The following ARIH2 variants were observed in gnomAD, a reference collection of about 807,000 sequenced individuals.
ARIH2 encodes the protein E3 ubiquitin-protein ligase ARIH2.
ARIH2 carries 12 observed loss-of-function variants against 79.8 expected under a neutral mutation model. The ratio of observed to expected loss-of-function variants is 0.15; its 90% CI spans 0.10 to 0.24. The LOEUF (loss-of-function observed/expected upper bound fraction) is 0.24, where lower values mean the gene tolerates loss of function less well. Ranked by LOEUF, ARIH2 falls within the 10% of genes least tolerant of loss-of-function variation. The probability of loss-of-function intolerance (pLI) is 1.00; values close to 1 mark genes in which losing one functional copy is unlikely to be tolerated. For missense variants in ARIH2, 301 were observed against 618.3 expected (o/e 0.49, Z 5.44); for synonymous variants, 224 against 213.9 (o/e 1.05, Z -0.41).
chr3:48,929,505 C>T (rs1417229597), intron 3 of ARIH2, among the ~76,000 whole-genome samples: 2 of 152,194 alleles, frequency 1.3e-5, no homozygotes, highest in Admixed American at 1.3e-4. Flanking sequence ...CTCATGCTTT[C>T]TCTGAGTGAG....
intron 3 of ARIH2, among the ~76,000 whole-genome samples, chr3:48,947,211 C>CG (rs1248710526): frequency 6.6e-6 from 1 of 152,090 alleles, no homozygotes; most frequent in Non-Finnish European, 1.5e-5. Flanking sequence ...GAGGCCGAGG[C>CG]GGGGGGATCA....
At chr3:48,930,481 T>C (rs1396043492) in intron 3 of ARIH2, among the ~76,000 whole-genome samples, 1 of 152,000 alleles carries the variant, frequency 6.6e-6, no homozygotes, top group Non-Finnish European at 1.5e-5. Context: ...AGACCTTATC[T>C]CAAAACAACA....
intron 3 of ARIH2, among the ~76,000 whole-genome samples, chr3:48,950,520 T>G (rs1350193051): frequency 6.6e-6 from 1 of 152,216 alleles, no homozygotes; most frequent in African/African-American, 2.4e-5. Context: ...TCTGGATCCT[T>G]TACATTTCTA....
intron 3 of ARIH2, among the ~76,000 whole-genome samples, chr3:48,936,995 T>C (rs1469748941): frequency 6.6e-6 from 1 of 151,814 alleles, no homozygotes; most frequent in Non-Finnish European, 1.5e-5. Flanking sequence ...ACCACTGCAC[T>C]CCAGCCTGGG....
intron 3 of ARIH2, among the ~76,000 whole-genome samples, chr3:48,953,273 C>A (rs991143616): frequency 1.3e-5 from 2 of 152,070 alleles, no homozygotes; most frequent in Admixed American, 1.3e-4. Flanking sequence ...AAATCAACAT[C>A]TTATCAAATT....
chr3:48,919,190 T>G, intron 1 of ARIH2, 192 bp downstream of exon 1: 1 of 1,292,174 alleles, frequency 7.7e-7, no homozygotes, highest in Non-Finnish European at 9.8e-7. Flanking sequence ...TGTGTCTGCC[T>G]TTTTTCCTCC....
intron 3 of ARIH2, among the ~76,000 whole-genome samples, chr3:48,945,919 C>T (rs1412565806): frequency 2.0e-5 from 3 of 152,108 alleles, no homozygotes; most frequent in Non-Finnish European, 2.9e-5. Flanking sequence ...GATCCTGAAC[C>T]CTGCAGCCGT....
intron 8 of ARIH2, among the ~76,000 whole-genome samples, chr3:48,972,034 T>C (rs938798203): frequency 6.6e-6 from 1 of 152,222 alleles, no homozygotes; most frequent in African/African-American, 2.4e-5. Flanking sequence ...TTGCACGTTC[T>C]GGCATTTGTG....
At chr3:48,934,103 C>T (rs937978821) in intron 3 of ARIH2, among the ~76,000 whole-genome samples, 2 of 152,060 alleles carry the variant, frequency 1.3e-5, no homozygotes, top group African/African-American at 2.4e-5. Context: ...AATTTTTCCC[C>T]TCTGTAGATG....
intron 8 of ARIH2, 174 bp downstream of exon 8, chr3:48,970,878 C>T: frequency 1.8e-6 from 1 of 547,048 alleles, no homozygotes. Flanking sequence ...TCCACTAGGT[C>T]TTCAATACAT....
intron 3 of ARIH2, among the ~76,000 whole-genome samples, chr3:48,930,592 A>G (rs2086237536): frequency 6.6e-6 from 1 of 152,110 alleles, no homozygotes; most frequent in Non-Finnish European, 1.5e-5. Flanking sequence ...AAATTCCTCT[A>G]CAAGCATGAG....
chr3:48,980,469 A>G lies in ARIH2; in HGVS notation c.1230A>G (p.Leu410=). The G allele has an allele frequency of 1.9e-6, 3 of 1,614,088 alleles. No individual in the cohort carries two copies. The highest frequency in any genetic ancestry group is 2.5e-6 in the Non-Finnish European group (3 of 1,179,988). Residue 410 remains leucine, a synonymous_variant, in exon 13 of 16, where the codon CTA becomes CTG. Coordinates refer to ENST00000356401, the MANE Select transcript of ARIH2 (RefSeq NM_006321.4). Reference sequence around the variant, plus strand: ...GGACATGGATCGACTGGCAGTACCTACAGAATGCTGCCAAGCTCTTGGCCA... The same window carrying G: ...GGACATGGATCGACTGGCAGTACCTGCAGAATGCTGCCAAGCTCTTGGCCA... ...NLGTWIDWQY[L]QNAAKLLAKC...
At chr3:48,960,458 A>G (rs1318883012) in intron 3 of ARIH2, among the ~76,000 whole-genome samples, 1 of 147,902 alleles carries the variant, frequency 6.8e-6, no homozygotes, top group Admixed American at 6.8e-5. Flanking sequence ...TCATTATTTA[A>G]AAAAAAAAAA....
At position 48,940,808 on chromosome 3, in the gene ARIH2, A is replaced by AAAAATAT. The variant is rs759369585; in HGVS notation, c.255+12996_255+12997insAAATATA. ...AGACTCCGTCTCAAAAAAAAAAAAA[A>AAAAATAT]ATATATATATATATATATATAGCCA... On this transcript the variant is annotated intron_variant, in intron 3 of 15. Transcript: ENST00000356401. Among the ~76,000 whole-genome samples, 606 of 98,008 alleles carry AAAAATAT rather than the reference A, an allele frequency of 6.2e-3. 6 individuals carry two copies. Among genetic ancestry groups the AAAAATAT allele is most frequent in the African/African-American group, 8.8e-3 (215 of 24,376 alleles). 64.3% of individuals were successfully genotyped at this position (98,008 alleles called of 152,430 possible).
chr3:48,926,267 A>G (rs995435104), intron 2 of ARIH2, among the ~76,000 whole-genome samples: 28 of 145,206 alleles, frequency 1.9e-4, no homozygotes, highest in Non-Finnish European at 2.7e-4. Flanking sequence ...GTGTGTGTGT[A>G]TGTGTGTACG....
At chr3:48,938,439 T>C (rs1559745858) in intron 3 of ARIH2, among the ~76,000 whole-genome samples, 5 of 151,876 alleles carry the variant, frequency 3.3e-5, no homozygotes, top group South Asian at 2.1e-4. Context: ...GAGCTACTTA[T>C]ATAAGCATCA....
chr3:48,982,819 T>C, intron 14 of ARIH2, 77 bp from the exon 15 acceptor site: 3 of 1,030,000 alleles, frequency 2.9e-6, no homozygotes, highest in East Asian at 4.8e-5. Flanking sequence ...AGGTGCTGCA[T>C]GTGCCCACCC....
intron 3 of ARIH2, among the ~76,000 whole-genome samples, chr3:48,960,422 T>G (rs917636350): frequency 1.3e-5 from 2 of 151,304 alleles, no homozygotes; most frequent in East Asian, 1.9e-4. Context: ...AGCCTTGTAT[T>G]CCAGCCTAGA....
At chr3:48,919,338 G>T in intron 1 of ARIH2, 2 of 686,292 alleles carry the variant, frequency 2.9e-6, no homozygotes, top group Non-Finnish European at 4.2e-6. Flanking sequence ...AGTCATCTTT[G>T]GGAGCTCTCG....
Sources: gnomAD v4.1 joint callset for allele counts (sites outside exome capture counted in the v4.1 genomes callset) on GRCh38, gnomAD v4.1.1 for gene constraint, MANE v1.5 for transcripts, NCBI Gene and HGNC (gene_info 2026-07-23, HGNC 2026-07-21) for gene names.